The following GATAD2A variants were observed in gnomAD, a reference collection of about 807,000 sequenced individuals.
GATAD2A encodes GATA zinc finger domain containing 2A.
A neutral mutation model predicts 68.5 loss-of-function variants in GATAD2A; 12 were observed. The ratio of observed to expected loss-of-function variants is 0.18; its 90% CI spans 0.11 to 0.28. GATAD2A has a LOEUF of 0.28. Ranked by LOEUF, GATAD2A falls within the 10% of genes least tolerant of loss-of-function variation. GATAD2A has a pLI of 1.00. For missense variants in GATAD2A, 755 were observed against 868.5 expected, an observed-to-expected ratio of 0.87 and a Z score of 1.64; for synonymous variants, 410 against 375.3, an observed-to-expected ratio of 1.09 and a Z score of -1.07.
In GATAD2A at chr19:19,507,644, A is replaced by G. The variant is rs1450133517; in HGVS notation, c.*2170A>G. ...GTTCCTCCAGGGCTGATGGCTGTCAACCCATCCTTGTGAGTTCATATGGAC... is the reference window on the plus strand; with the variant it reads ...GTTCCTCCAGGGCTGATGGCTGTCAGCCCATCCTTGTGAGTTCATATGGAC... On this transcript the variant is annotated 3_prime_UTR_variant, in exon 12 of 12. Coordinates refer to ENST00000683918, the MANE Select transcript of GATAD2A (RefSeq NM_001384528.1). The G allele has an allele frequency of 1.3e-5, 2 of 152,152 alleles. No individual in the cohort carries two copies. Among genetic ancestry groups the G allele is most frequent in the East Asian group, 1.9e-4 (1 of 5,180 alleles). 9.4% of individuals were successfully genotyped at this position (152,152 alleles called of 1,614,324 possible). A position where few individuals can be genotyped will look rare whatever the true frequency, so the allele number is the denominator to read the frequency against.
At position 19,457,507 on chromosome 19, in the gene GATAD2A, G is replaced by A. The variant is rs141223294; in HGVS notation, c.-6-7833G>A. On this transcript the variant is annotated intron_variant, in intron 1 of 11. Coordinates refer to ENST00000683918, the MANE Select transcript of GATAD2A (RefSeq NM_001384528.1). ...TGTAATCCTAGCACTTTGGGAGGCC[G>A]AGGCGGGCGGATCACGAGGTCAGGA... Among the ~76,000 whole-genome samples, 1,204 of 152,266 alleles carry A rather than the reference G, an allele frequency of 7.9e-3. 18 individuals carry two copies. The highest frequency in any genetic ancestry group is 0.026 in the African/African-American group (1,090 of 41,546).
intron 11 of GATAD2A, among the ~76,000 whole-genome samples, chr19:19,502,963 G>C (rs1258330495): frequency 1.3e-5 from 2 of 152,208 alleles, no homozygotes; most frequent in African/African-American, 4.8e-5. Context: ...AGTAATGCGG[G>C]GCAGGGGGTG....
chr19:19,500,748 G>A (rs1000223227), intron 8 of GATAD2A, among the ~76,000 whole-genome samples: 1 of 152,232 alleles, frequency 6.6e-6, no homozygotes, highest in Non-Finnish European at 1.5e-5. Flanking sequence ...TGGCGCATTT[G>A]GGGGTTCCCC....
At chr19:19,389,251 C>T (rs1483260460) in intron 1 of GATAD2A, among the ~76,000 whole-genome samples, 1 of 152,122 alleles carries the variant, frequency 6.6e-6, no homozygotes, top group South Asian at 2.1e-4. Context: ...TTCGTGTCCA[C>T]GCACAAGTCT....
At chr19:19,492,531 C>A in intron 3 of GATAD2A, 50 bp from the exon 4 acceptor site, 1 of 1,611,934 alleles carries the variant, frequency 6.2e-7, no homozygotes, top group South Asian at 1.1e-5. Flanking sequence ...AGGGCCTCTG[C>A]TCCTCACCAA....
chr19:19,492,357 C>G lies in GATAD2A; in HGVS notation c.321C>G (p.Ser107=), dbSNP rs781233188. The G allele has an allele frequency of 6.2e-7, 1 of 1,611,372 alleles. No homozygotes were observed. The highest frequency in any genetic ancestry group is 8.5e-7 in the Non-Finnish European group (1 of 1,178,664). ...CCTCACCTGACGTGATTGTGCTCTCCGACAACGAGCAGCCCTCGAGCCCGA... is the reference window on the plus strand; with the variant it reads ...CCTCACCTGACGTGATTGTGCTCTCGGACAACGAGCAGCCCTCGAGCCCGA... The part of the protein sequence containing the change: ...RPPSPDVIVL[S]DNEQPSSPRV... The change falls in exon 3 of 12, where the codon TCC becomes TCG. Residue 107 remains serine, a synonymous_variant. Coordinates refer to ENST00000683918, the MANE Select transcript of GATAD2A (RefSeq NM_001384528.1).
At position 19,488,579 on chromosome 19, in the gene GATAD2A, C is replaced by T. The variant is rs557106389; in HGVS notation, c.270-3727C>T. On this transcript the variant is annotated intron_variant, in intron 2 of 11. Transcript: ENST00000683918. ...TAACCTTTTGCTGTGGAAGTGGGAT[C>T]GTGTCTCAATTTAAGTTTATAATCC... Among the ~76,000 whole-genome samples, 4 of 152,298 alleles carry T rather than the reference C, an allele frequency of 2.6e-5. No individual in the cohort carries two copies. In the South Asian group the frequency reaches 6.2e-4, roughly 24 times the overall value.
chr19:19,453,111 T>A (rs1272686481), intron 1 of GATAD2A, among the ~76,000 whole-genome samples: 1 of 152,180 alleles, frequency 6.6e-6, no homozygotes, highest in African/African-American at 2.4e-5. Flanking sequence ...GTGCTTGCAC[T>A]GTGACTGAAA....
chr19:19,449,079 T>G (rs1223883458), intron 1 of GATAD2A, among the ~76,000 whole-genome samples: 1 of 152,214 alleles, frequency 6.6e-6, no homozygotes, highest in Non-Finnish European at 1.5e-5. Context: ...TCTTCCCTGA[T>G]TAAGAACTAT....
chr19:19,408,807 A>G (rs2147079827), intron 1 of GATAD2A, among the ~76,000 whole-genome samples: 1 of 152,222 alleles, frequency 6.6e-6, no homozygotes, highest in African/African-American at 2.4e-5. Context: ...TCAAGGAGAG[A>G]AGGACACTGT....
Position 19,508,227 on chromosome 19 carries a change from C to G in GATAD2A, c.*2753C>G, listed in dbSNP as rs988213066. The G allele has an allele frequency of 6.6e-6, 1 of 152,222 alleles. No individual in the cohort carries two copies. The highest frequency in any genetic ancestry group is 2.4e-5 in the African/African-American group (1 of 41,434). 9.4% of individuals were successfully genotyped at this position (152,222 alleles called of 1,614,324 possible). The stretch of plus-strand genomic sequence containing the variant: ...GGCTGGGGAGATCTCAGAGTTCACA[C>G]CTCGCCTGTTGTAGGGGAGGTTGGG... On this transcript the variant is annotated 3_prime_UTR_variant, in exon 12 of 12. Coordinates refer to ENST00000683918, the MANE Select transcript of GATAD2A (RefSeq NM_001384528.1).
intron 1 of GATAD2A, among the ~76,000 whole-genome samples, chr19:19,446,047 C>T (rs2055673616): frequency 6.6e-6 from 1 of 152,210 alleles, no homozygotes; most frequent in Non-Finnish European, 1.5e-5. Flanking sequence ...GACCGTTTTC[C>T]ACATCACTCT....
At chr19:19,495,986 C>T in intron 6 of GATAD2A, 66 bp from the exon 7 acceptor site, 1 of 1,581,340 alleles carries the variant, frequency 6.3e-7, no homozygotes, top group Non-Finnish European at 8.7e-7. Flanking sequence ...GTGCCCTGTG[C>T]CTTCCGGTCC....
intron 1 of GATAD2A, among the ~76,000 whole-genome samples, chr19:19,390,742 C>T (rs1280772841): frequency 6.6e-6 from 1 of 152,118 alleles, no homozygotes; most frequent in Non-Finnish European, 1.5e-5. Flanking sequence ...GGATCACATG[C>T]GTATTATGAG....
rs2060893314 is a variant in GATAD2A, at chr19:19,507,001, C to A, written c.*1527C>A. 1 of 152,144 alleles carries A rather than the reference C, an allele frequency of 6.6e-6. No individual in the cohort carries two copies. The highest frequency in any genetic ancestry group is 2.4e-5 in the African/African-American group (1 of 41,406). The allele number at this position is 152,144 out of a possible 1,614,324, so 9.4% of individuals were successfully genotyped here. A position where few individuals can be genotyped will look rare whatever the true frequency, so the allele number is the denominator to read the frequency against. ...CCCAGGCTCCTGTCGTGTGAATATCCTCAGTCTGTAGGAAACTTTTTTTGA... is the reference window on the plus strand; with the variant it reads ...CCCAGGCTCCTGTCGTGTGAATATCATCAGTCTGTAGGAAACTTTTTTTGA... On this transcript the variant is annotated 3_prime_UTR_variant, in exon 12 of 12. Coordinates refer to ENST00000683918, the MANE Select transcript of GATAD2A (RefSeq NM_001384528.1).
At chr19:19,445,553 C>G (rs1011961531) in intron 1 of GATAD2A, among the ~76,000 whole-genome samples, 2 of 152,170 alleles carry the variant, frequency 1.3e-5, no homozygotes, top group Non-Finnish European at 2.9e-5. Flanking sequence ...AAACCTTGTC[C>G]CCATTAGCAG....
intron 1 of GATAD2A, among the ~76,000 whole-genome samples, chr19:19,416,051 T>C (rs2051595235): frequency 6.6e-6 from 1 of 152,122 alleles, no homozygotes; most frequent in Non-Finnish European, 1.5e-5. Flanking sequence ...CTCGACCTCC[T>C]GGACTTAAGC....
chr19:19,480,257 A>G (rs10401193), intron 2 of GATAD2A, among the ~76,000 whole-genome samples: 29,290 of 152,144 alleles, frequency 0.19, 3,044 homozygotes, highest in South Asian at 0.35. Flanking sequence ...AATACCATTG[A>G]ATGTTGGAAA....
At chr19:19,393,522 G>A (rs2049003165) in intron 1 of GATAD2A, among the ~76,000 whole-genome samples, 2 of 152,154 alleles carry the variant, frequency 1.3e-5, no homozygotes, top group African/African-American at 2.4e-5. Flanking sequence ...TTGGTGATGG[G>A]GGTCTGGCAG....
Sources: gnomAD v4.1 joint callset for allele counts (sites outside exome capture counted in the v4.1 genomes callset) on GRCh38, gnomAD v4.1.1 for gene constraint, MANE v1.5 for transcripts, NCBI Gene and HGNC (gene_info 2026-07-23, HGNC 2026-07-21) for gene names.